ZFHX3: variants seen among roughly 807,000 people sequenced by gnomAD.
ZFHX3 encodes zinc finger homeobox 3, also known as zinc finger homeobox protein 3.
Under a neutral mutation model 279.1 loss-of-function variants are expected in ZFHX3, and 42 were observed. The observed-to-expected ratio is 0.15, with a 90% CI of 0.12 to 0.19. The LOEUF (loss-of-function observed/expected upper bound fraction) is 0.19. Ranked by LOEUF, ZFHX3 falls within the 10% of genes least tolerant of loss-of-function variation. The pLI is 1.00. For synonymous variants in ZFHX3, 2,293 were observed against 1,957.8 expected, an observed-to-expected ratio of 1.17 and a Z score of -4.52; for missense variants, 4,981 against 4,754.0, an observed-to-expected ratio of 1.05 and a Z score of -1.40.
chr16:73,779,544 G>C (rs1019620564), intron 1 of ZFHX3, among the ~76,000 whole-genome samples: 1 of 152,044 alleles, frequency 6.6e-6, no homozygotes, highest in Non-Finnish European at 1.5e-5. Context: ...TCTGCCATGG[G>C]CAAGGTGAAA....
At chr16:73,830,278 AC>A (rs1960956474) in intron 1 of ZFHX3, among the ~76,000 whole-genome samples, 1 of 141,798 alleles carries the variant, frequency 7.1e-6, no homozygotes, top group Non-Finnish European at 1.5e-5. Flanking sequence ...CACGGTGCGC[AC>A]ACACACTGGC....
chr16:73,384,916 C>G (rs1042876666), intron 3 of ZFHX3, among the ~76,000 whole-genome samples: 4 of 152,208 alleles, frequency 2.6e-5, no homozygotes, highest in Admixed American at 2.6e-4. Flanking sequence ...CTACGTTACC[C>G]TGATTGGTTC....
chr16:73,652,109 A>T (rs576719132), intron 2 of ZFHX3, among the ~76,000 whole-genome samples: 4 of 152,148 alleles, frequency 2.6e-5, no homozygotes, highest in African/African-American at 9.6e-5. Context: ...AGATGTGAAA[A>T]GATGTATTAC....
chr16:73,571,240 T>C (rs1234256537), intron 2 of ZFHX3, among the ~76,000 whole-genome samples: 3 of 151,930 alleles, frequency 2.0e-5, no homozygotes, highest in African/African-American at 7.2e-5. Flanking sequence ...TGCATTTTTT[T>C]CCTCATTCGC....
chr16:73,253,024 T>C (rs117455074), intron 5 of ZFHX3, among the ~76,000 whole-genome samples: 260 of 152,268 alleles, frequency 1.7e-3, no homozygotes, highest in Middle Eastern at 6.8e-3. Flanking sequence ...CACCTTTGGA[T>C]TCACCCAGCA....
intron 1 of ZFHX3, chr16:73,809,473 G>A (rs8050969): frequency 1.3e-5 from 2 of 152,150 alleles, no homozygotes; most frequent in African/African-American, 2.4e-5. Flanking sequence ...ATCCACACAG[G>A]TGCTCCAAAA....
intron 1 of ZFHX3, among the ~76,000 whole-genome samples, chr16:72,999,935 GGA>G (rs1289012364): frequency 1.3e-5 from 2 of 152,174 alleles, no homozygotes; most frequent in East Asian, 3.9e-4. Flanking sequence ...CGGGGAAAAT[GGA>G]AACATACAGA....
intron 1 of ZFHX3, among the ~76,000 whole-genome samples, chr16:73,819,539 T>C (rs972337156): frequency 6.6e-6 from 1 of 152,102 alleles, no homozygotes; most frequent in African/African-American, 2.4e-5. Flanking sequence ...ATGTACAACT[T>C]TGGGCCACTT....
chr16:72,896,580 C>T (rs942921986), intron 3 of ZFHX3, among the ~76,000 whole-genome samples: 1 of 152,178 alleles, frequency 6.6e-6, no homozygotes. Context: ...TGTTCAGCCT[C>T]GTCAAACACT....
At chr16:73,738,846 G>A (rs1359474208) in intron 1 of ZFHX3, among the ~76,000 whole-genome samples, 1 of 152,142 alleles carries the variant, frequency 6.6e-6, no homozygotes, top group East Asian at 1.9e-4. Flanking sequence ...TCCTGCTGAG[G>A]AGGCACCCGT....
chr16:72,799,845 G>C (rs2036041510), intron 8 of ZFHX3, among the ~76,000 whole-genome samples, 182 bp downstream of exon 8: 1 of 152,234 alleles, frequency 6.6e-6, no homozygotes, highest in Non-Finnish European at 1.5e-5. Context: ...AACCATGTGA[G>C]TAATATACAA....
In ZFHX3 at chr16:72,958,696, C is replaced by T; in HGVS notation, c.1450G>A (p.Glu484Lys). The change falls in exon 2 of 10, where the codon GAG becomes AAG. Residue 484 changes from glutamate to lysine, a missense_variant. Coordinates refer to ENST00000268489, the MANE Select transcript of ZFHX3 (RefSeq NM_006885.4). The part of the protein sequence containing the change: ...EEEEEEEEEE[E>K]EEEDEGCKGL... ...TTGCAACCCTCGTCTTCCTCCTCCT[C>T]TTCTTCCTCCTCCTCTTCTTCCTCC... The T allele has an allele frequency of 1.2e-6, 2 of 1,611,562 alleles. No homozygotes were observed. Among genetic ancestry groups the T allele is most frequent in the Non-Finnish European group, 1.7e-6 (2 of 1,178,630 alleles).
At chr16:73,583,975 T>C (rs2143828963) in intron 2 of ZFHX3, among the ~76,000 whole-genome samples, 1 of 152,136 alleles carries the variant, frequency 6.6e-6, no homozygotes, top group East Asian at 1.9e-4. Context: ...AAAAAATAAA[T>C]AGTACATTTA....
chr16:73,649,739 T>C (rs907842867), intron 2 of ZFHX3, among the ~76,000 whole-genome samples: 3 of 152,188 alleles, frequency 2.0e-5, no homozygotes, highest in African/African-American at 7.2e-5. Context: ...AGTTCTGAAA[T>C]TTCTGAAGTC....
chr16:73,056,250 T>G (rs1597140068), intron 1 of ZFHX3, among the ~76,000 whole-genome samples: 6 of 152,160 alleles, frequency 3.9e-5, no homozygotes. Flanking sequence ...CCACCAAGCT[T>G]TCAAGACTGA....
chr16:72,884,245 T>C (rs2038567581), intron 4 of ZFHX3, among the ~76,000 whole-genome samples: 2 of 152,210 alleles, frequency 1.3e-5, no homozygotes, highest in Non-Finnish European at 2.9e-5. Flanking sequence ...CAAAACCACA[T>C]TATCACTTGG....
chr16:73,439,699 C>T (rs1014683599), intron 3 of ZFHX3, among the ~76,000 whole-genome samples: 2 of 152,020 alleles, frequency 1.3e-5, no homozygotes, highest in African/African-American at 4.8e-5. Flanking sequence ...CTCCTTCCCC[C>T]CTTTCAAGAT....
chr16:72,988,193 T>C (rs558950595), intron 1 of ZFHX3, among the ~76,000 whole-genome samples: 2 of 152,342 alleles, frequency 1.3e-5, no homozygotes, highest in East Asian at 1.9e-4. Flanking sequence ...TTAGCTCTAA[T>C]TTGACCTCCA....
intron 2 of ZFHX3, among the ~76,000 whole-genome samples, chr16:73,564,889 T>C (rs777712288): frequency 5.3e-5 from 8 of 152,184 alleles, no homozygotes; most frequent in Non-Finnish European, 1.2e-4. Context: ...TTTGTTCTCT[T>C]AGGAAAAAAG....
Sources: gnomAD v4.1 joint callset for allele counts (sites outside exome capture counted in the v4.1 genomes callset) on GRCh38, gnomAD v4.1.1 for gene constraint, MANE v1.5 for transcripts, NCBI Gene and HGNC (gene_info 2026-07-23, HGNC 2026-07-21) for gene names.